Variants in FRAS1 observed in about 807,000 individuals in gnomAD.
The protein encoded by FRAS1 is Fraser extracellular matrix complex subunit 1, also known as extracellular matrix organizing protein FRAS1.
In FRAS1, 290 loss-of-function variants were observed where a neutral mutation model predicts 435.2. The ratio of observed to expected loss-of-function variants is 0.67; its 90% CI spans 0.61 to 0.73. FRAS1 has a LOEUF of 0.73. Among genes scored for constraint, FRAS1 ranks in the 30% least tolerant of loss-of-function variants. The probability of loss-of-function intolerance (pLI) is 0.00; values close to 1 mark genes in which losing one functional copy is unlikely to be tolerated. For synonymous variants in FRAS1, 1,800 were observed against 1,851.0 expected (o/e 0.97, Z 0.71); for missense variants, 4,860 against 5,001.5 (o/e 0.97, Z 0.85).
At chr4:78,108,820 T>C (rs1180788852) in intron 2 of FRAS1, among the ~76,000 whole-genome samples, 1 of 124,216 alleles carries the variant, frequency 8.1e-6, no homozygotes, top group Non-Finnish European at 1.7e-5. Flanking sequence ...AGCTGGTTTT[T>C]TGAAAGGATC....
chr4:78,396,794 T>A (rs1212349246), intron 29 of FRAS1, among the ~76,000 whole-genome samples: 1 of 152,246 alleles, frequency 6.6e-6, no homozygotes, highest in Non-Finnish European at 1.5e-5. Flanking sequence ...TTTGATGGAG[T>A]TTGCTGTTGA....
chr4:78,321,160 A>G (rs1420103620), intron 18 of FRAS1, among the ~76,000 whole-genome samples: 6 of 152,222 alleles, frequency 3.9e-5, no homozygotes, highest in African/African-American at 1.4e-4. Context: ...GATACCCACC[A>G]TGAGCCAGGC....
chr4:78,328,616 AT>A (rs1307303792), intron 18 of FRAS1, among the ~76,000 whole-genome samples: 1 of 152,166 alleles, frequency 6.6e-6, no homozygotes, highest in East Asian at 1.9e-4. Context: ...CAGTTCATTC[AT>A]TTTGTAAAAG....
chr4:78,357,671 G>C (rs923256732), intron 20 of FRAS1, among the ~76,000 whole-genome samples: 1 of 152,136 alleles, frequency 6.6e-6, no homozygotes, highest in African/African-American at 2.4e-5. Context: ...GGAAACCAAG[G>C]AGGGAAGATT....
intron 2 of FRAS1, among the ~76,000 whole-genome samples, chr4:78,136,937 G>C (rs1719943911): frequency 6.6e-6 from 1 of 152,220 alleles, no homozygotes; most frequent in Non-Finnish European, 1.5e-5. Flanking sequence ...TTGGGATACA[G>C]GGGTGAATGA....
rs1256337660 is a variant in FRAS1 at position 78,464,568 on chromosome 4, G to A, written c.7014G>A (p.Val2338=). The change falls in exon 49 of 74, where the codon GTG becomes GTA. Residue 2338 remains valine, a synonymous_variant. Coordinates refer to ENST00000512123, the MANE Select transcript of FRAS1 (RefSeq NM_025074.7). ...KTITEFELKA[V]DADTEAESVT... is the part of the protein sequence containing the mutation. The stretch of plus-strand genomic sequence containing the variant: ...TCACAGAGTTTGAGCTTAAGGCGGT[G>A]GATGCTGACACAGAGGTAAGAGCAC... 29 of 1,613,784 alleles carry A rather than the reference G, an allele frequency of 1.8e-5. No homozygotes were observed. Among genetic ancestry groups the A allele is most frequent in the Non-Finnish European group, 2.3e-5 (27 of 1,179,802 alleles).
At chr4:78,104,318 T>C (rs1335603269) in intron 2 of FRAS1, among the ~76,000 whole-genome samples, 2 of 152,206 alleles carry the variant, frequency 1.3e-5, no homozygotes, top group African/African-American at 2.4e-5. Context: ...ATGCAAACAA[T>C]TTAAAAATAC....
rs1723009182 is a variant in FRAS1 at position 78,200,620 on chromosome 4, A to G, written c.109-36890A>G. ...CTGATGTGATCGATCTATTCAAGAA[A>G]GTAAAATATCCAAGTTTGTTCTGGG... is the stretch of plus-strand genomic sequence containing the variant. On this transcript the variant is annotated intron_variant, in intron 2 of 73. Transcript: ENST00000512123. Among the ~76,000 whole-genome samples the G allele has an allele frequency of 2.0e-5, 3 of 152,148 alleles. No homozygotes were observed. The South Asian group carries it at 6.2e-4, about 32-fold the overall frequency.
chr4:78,251,918 TGAGA>T (rs35796361), intron 4 of FRAS1, among the ~76,000 whole-genome samples: 105 of 148,590 alleles, frequency 7.1e-4, no homozygotes, highest in African/African-American at 2.5e-3. Flanking sequence ...CTGGAACAGT[TGAGA>T]GAGAGAGAGA....
At chr4:78,236,359 G>C (rs1046382030) in intron 2 of FRAS1, among the ~76,000 whole-genome samples, 1 of 151,216 alleles carries the variant, frequency 6.6e-6, no homozygotes, top group Middle Eastern at 3.2e-3. Context: ...TAGATTTTTT[G>C]GGAACAGGTG....
intron 71 of FRAS1, among the ~76,000 whole-genome samples, chr4:78,535,047 G>T (rs556047954): frequency 2.8e-4 from 42 of 152,210 alleles, no homozygotes; most frequent in African/African-American, 9.9e-4. Context: ...TTTACCACAG[G>T]CTGGATTCTA....
intron 64 of FRAS1, among the ~76,000 whole-genome samples, chr4:78,513,145 A>G (rs1426210186): frequency 1.4e-5 from 2 of 147,210 alleles, no homozygotes; most frequent in Non-Finnish European, 3.1e-5. Context: ...TTTCCTGTAT[A>G]GAAAAAAAAT....
chr4:78,162,023 C>T (rs1024682943), intron 2 of FRAS1, among the ~76,000 whole-genome samples: 1 of 152,064 alleles, frequency 6.6e-6, no homozygotes, highest in Admixed American at 6.6e-5. Flanking sequence ...TAACTCCATG[C>T]ATTTTTCAAG....
chr4:78,483,612 T>C (rs1720077062), intron 58 of FRAS1, among the ~76,000 whole-genome samples: 1 of 151,884 alleles, frequency 6.6e-6, no homozygotes, highest in South Asian at 2.1e-4. Context: ...ATTTATTTCA[T>C]GTATATAGTA....
chr4:78,455,387 T>G (rs1719157618), intron 47 of FRAS1, among the ~76,000 whole-genome samples: 1 of 150,426 alleles, frequency 6.6e-6, no homozygotes, highest in African/African-American at 2.5e-5. Context: ...TCTCAATGGG[T>G]GAGGATGGGT....
chr4:78,173,999 C>G (rs1721660716), intron 2 of FRAS1, among the ~76,000 whole-genome samples: 1 of 152,178 alleles, frequency 6.6e-6, no homozygotes, highest in African/African-American at 2.4e-5. Context: ...TAACTGGGTG[C>G]TACGTGACTA....
chr4:78,191,988 G>A (rs1237747058), intron 2 of FRAS1, among the ~76,000 whole-genome samples: 1 of 152,122 alleles, frequency 6.6e-6, no homozygotes, highest in Non-Finnish European at 1.5e-5. Flanking sequence ...TGTGAATAGT[G>A]CTGCAATAAA....
Position 78,102,527 on chromosome 4 carries a change from A to G in FRAS1, c.108+36511A>G, listed in dbSNP as rs142678670. 2.9e-3 allele frequency among the ~76,000 whole-genome samples: 442 copies of G among 152,198 alleles called. 3 individuals carry two copies. The highest frequency in any genetic ancestry group is 9.9e-3 in the African/African-American group (413 of 41,522). On this transcript the variant is annotated intron_variant, in intron 2 of 73. Transcript: ENST00000512123. ...CTGAATGACTCCACAAATTCCCCTT[A>G]ATTTTCCAAGTTAAGATGACCCTGG...
intron 2 of FRAS1, among the ~76,000 whole-genome samples, chr4:78,220,873 C>A (rs1329869588): frequency 6.6e-5 from 10 of 151,990 alleles, no homozygotes; most frequent in Non-Finnish European, 1.3e-4. Flanking sequence ...AAGAAATTAA[C>A]ACGTTTATTA....
Sources: gnomAD v4.1 joint callset for allele counts (sites outside exome capture counted in the v4.1 genomes callset) on GRCh38, gnomAD v4.1.1 for gene constraint, MANE v1.5 for transcripts, NCBI Gene and HGNC (gene_info 2026-07-23, HGNC 2026-07-21) for gene names.